Variants in CCDC192 observed in about 807,000 individuals in gnomAD.
CCDC192 encodes the protein coiled-coil domain containing 192.
intron 6 of CCDC192, among the ~76,000 whole-genome samples, chr5:127,914,690 C>T (rs1753468328): frequency 6.6e-6 from 1 of 152,158 alleles, no homozygotes; most frequent in South Asian, 2.1e-4. Context: ...AGATAGGGTA[C>T]AGTCAATAAT....
intron 2 of CCDC192, among the ~76,000 whole-genome samples, chr5:127,719,556 T>TACACACACACAC (rs1561445089): frequency 3.4e-4 from 6 of 17,704 alleles, no homozygotes; most frequent in Admixed American, 7.9e-4. Flanking sequence ...TATATATATA[T>TACACACACACAC]ATACACACAT....
upstream of CCDC192, among the ~76,000 whole-genome samples, chr5:127,702,515 A>G (rs1260436419): frequency 6.6e-6 from 1 of 152,240 alleles, no homozygotes; most frequent in South Asian, 2.1e-4. Context: ...ATACTCTTTA[A>G]TAGATCAGTC....
In CCDC192 at chr5:127,781,293, G is replaced by T. The variant is rs554142424; in HGVS notation, c.223-15810G>T. 1.7e-4 allele frequency among the ~76,000 whole-genome samples: 26 copies of T among 152,162 alleles called. No homozygotes were observed. In the South Asian group the frequency reaches 5.0e-3, roughly 29 times the overall value. On this transcript the variant is annotated intron_variant, in intron 3 of 6. Coordinates refer to ENST00000514853, the MANE Select transcript of CCDC192 (RefSeq NM_001317938.2). ...CCTCCAAATTTGTTCTTTTTGTTTA[G>T]TCTTATTTTGGATATGCAGGATCTT...
chr5:127,720,616 C>A (rs887301759), intron 2 of CCDC192, among the ~76,000 whole-genome samples: 1 of 152,180 alleles, frequency 6.6e-6, no homozygotes, highest in Non-Finnish European at 1.5e-5. Flanking sequence ...AGGCTCCAAC[C>A]CTATATTTCT....
At chr5:127,725,469 AT>A (rs1228797829) in intron 2 of CCDC192, among the ~76,000 whole-genome samples, 3 of 152,208 alleles carry the variant, frequency 2.0e-5, no homozygotes, top group Non-Finnish European at 4.4e-5. Flanking sequence ...TGAATAATAC[AT>A]TTTATTTAAT....
intron 5 of CCDC192, among the ~76,000 whole-genome samples, chr5:127,837,949 C>T (rs967911498): frequency 1.3e-5 from 2 of 150,240 alleles, no homozygotes; most frequent in African/African-American, 2.4e-5. Flanking sequence ...GATTGCACCA[C>T]TGCACTCCAG....
At chr5:127,937,532 C>G (rs1397529427) in intron 6 of CCDC192, among the ~76,000 whole-genome samples, 1 of 152,166 alleles carries the variant, frequency 6.6e-6, no homozygotes, top group East Asian at 1.9e-4. Context: ...GAAGAGAGTC[C>G]TCACCAGAAC....
At chr5:127,891,994 C>G (rs527718741) in intron 6 of CCDC192, among the ~76,000 whole-genome samples, 1 of 152,272 alleles carries the variant, frequency 6.6e-6, no homozygotes, top group East Asian at 1.9e-4. Flanking sequence ...GTACTGCTGC[C>G]TTGCATAAAG....
intron 5 of CCDC192, among the ~76,000 whole-genome samples, chr5:127,828,698 A>C (rs1749648692): frequency 6.6e-6 from 1 of 152,166 alleles, no homozygotes; most frequent in South Asian, 2.1e-4. Context: ...GTAGGTGGGG[A>C]GGTCTCTCAG....
intron 2 of CCDC192, among the ~76,000 whole-genome samples, chr5:127,727,038 G>T (rs1458851030): frequency 6.6e-6 from 1 of 152,206 alleles, no homozygotes; most frequent in Admixed American, 6.5e-5. Context: ...GCTCCCAGAG[G>T]AAGAAGTGGA....
chr5:127,925,868 C>T (rs1416148607), intron 6 of CCDC192, among the ~76,000 whole-genome samples: 2 of 152,158 alleles, frequency 1.3e-5, no homozygotes, highest in Non-Finnish European at 2.9e-5. Context: ...AGGCATGTCA[C>T]TACAAAGCCC....
chr5:127,912,071 A>G (rs903341611), intron 6 of CCDC192, among the ~76,000 whole-genome samples: 5 of 150,640 alleles, frequency 3.3e-5, no homozygotes, highest in African/African-American at 9.8e-5. Context: ...ACAAGCTCAC[A>G]TCACCATGCC....
At position 127,882,611 on chromosome 5, in the gene CCDC192, G is replaced by A. The variant is rs191041072; in HGVS notation, c.535+6950G>A. On this transcript the variant is annotated intron_variant, in intron 6 of 6. Transcript: ENST00000514853. ...GTTAACGTGGTGAAATTTATGTTAT[G>A]TGAACTTTATCTCCATTAGAAAATA... Among the ~76,000 whole-genome samples the A allele has an allele frequency of 2.3e-3, 349 of 152,292 alleles. 3 individuals carry two copies. The highest frequency in any genetic ancestry group is 8.1e-3 in the African/African-American group (338 of 41,558).
chr5:127,788,414 G>A (rs1378371093), intron 3 of CCDC192, among the ~76,000 whole-genome samples: 1 of 152,000 alleles, frequency 6.6e-6, no homozygotes, highest in Non-Finnish European at 1.5e-5. Flanking sequence ...GTTTCTTTGA[G>A]TCTAAAGTGA....
chr5:127,731,678 A>G (rs149083225), intron 2 of CCDC192, among the ~76,000 whole-genome samples: 33 of 152,350 alleles, frequency 2.2e-4, no homozygotes, highest in African/African-American at 7.9e-4. Context: ...ACATAGACCA[A>G]CGGAACAGAA....
At chr5:127,764,833 C>T (rs1755130493) in intron 3 of CCDC192, among the ~76,000 whole-genome samples, 2 of 152,142 alleles carry the variant, frequency 1.3e-5, no homozygotes, top group Non-Finnish European at 2.9e-5. Flanking sequence ...CCACATGTGG[C>T]CCACGGGCTG....
At chr5:127,865,957 TGAGCTTTTTTTTATATACC>T (rs1490295853) in intron 5 of CCDC192, among the ~76,000 whole-genome samples, 2 of 152,172 alleles carry the variant, frequency 1.3e-5, no homozygotes, top group African/African-American at 4.8e-5. Context: ...CTGTCCCCTC[TGAGCTTTTTTTTATATACC>T]GTGCTCCCTG....
At chr5:127,713,209 G>T (rs1465662278) in intron 2 of CCDC192, among the ~76,000 whole-genome samples, 1 of 151,712 alleles carries the variant, frequency 6.6e-6, no homozygotes, top group Non-Finnish European at 1.5e-5. Flanking sequence ...ACTCCAGCCT[G>T]GGCAACAACA....
chr5:127,912,139 C>T (rs1341386493), intron 6 of CCDC192, among the ~76,000 whole-genome samples: 1 of 150,408 alleles, frequency 6.6e-6, no homozygotes, highest in African/African-American at 2.5e-5. Context: ...ACCATATTGG[C>T]CAGGCTGGTC....
Sources: gnomAD v4.1 joint callset for allele counts (sites outside exome capture counted in the v4.1 genomes callset) on GRCh38, gnomAD v4.1.1 for gene constraint, MANE v1.5 for transcripts, NCBI Gene and HGNC (gene_info 2026-07-23, HGNC 2026-07-21) for gene names.